Variants in TRAPPC9 observed in about 807,000 individuals in gnomAD.
TRAPPC9 encodes trafficking protein particle complex subunit 9, also known as IKK2 binding protein.
TRAPPC9 carries 83 observed loss-of-function variants against 124.0 expected under a neutral mutation model. The observed-to-expected ratio is 0.67, with a 90% confidence interval of 0.56 to 0.80. TRAPPC9 has a LOEUF of 0.80. Ranked by LOEUF, TRAPPC9 falls within the 30% of genes least tolerant of loss-of-function variation. The probability of loss-of-function intolerance (pLI) is 0.00; values close to 1 mark genes in which losing one functional copy is unlikely to be tolerated. For missense variants in TRAPPC9, 1,302 were observed against 1,508.3 expected, an observed-to-expected ratio of 0.86 and a Z score of 2.27; for synonymous variants, 638 against 617.5, an observed-to-expected ratio of 1.03 and a Z score of -0.49.
chr8:139,937,792 C>T (rs1048370808), intron 19 of TRAPPC9, among the ~76,000 whole-genome samples: 5 of 152,188 alleles, frequency 3.3e-5, no homozygotes, highest in Non-Finnish European at 7.3e-5. Context: ...GGTTTCTAAT[C>T]GCGTTAAACA....
In TRAPPC9 at chr8:140,252,724, C is replaced by T. The variant is rs11986788; in HGVS notation, c.2431+53G>A. On this transcript the variant is annotated intron_variant, in intron 16 of 22. Transcript: ENST00000438773. The surrounding 1 kb of genome is among the most constrained non-coding windows in gnomAD (Gnocchi z 4.2). The stretch of plus-strand genomic sequence containing the variant: ...AGCAGGCATCAAGGGATGGGGGTTG[C>T]TACACAGTATCTAGGACCCTGACGT... 1.2e-6 allele frequency: 2 copies of T among 1,601,944 alleles called. No individual in the cohort carries two copies. Among genetic ancestry groups the T allele is most frequent in the Non-Finnish European group, 1.7e-6 (2 of 1,175,814 alleles).
At chr8:140,375,671 G>A (rs1278319312) in intron 7 of TRAPPC9, among the ~76,000 whole-genome samples, 2 of 152,230 alleles carry the variant, frequency 1.3e-5, no homozygotes, top group East Asian at 1.9e-4. Context: ...AAAACTCTCA[G>A]TGAGTGTTCA....
At chr8:140,393,792 A>G (rs1026187256) in intron 7 of TRAPPC9, among the ~76,000 whole-genome samples, 2 of 152,234 alleles carry the variant, frequency 1.3e-5, no homozygotes, top group African/African-American at 4.8e-5. Flanking sequence ...GTTCTATTTC[A>G]GAAAAACTAC....
rs1475642900 is a variant in TRAPPC9, at chr8:139,742,746, G to A, written c.3056-10544C>T. Reference sequence around the variant, plus strand: ...GGTTGCTTTCAACTCTGATCTGCAGGCTGGGTGGGGGTAGGCAGCTGGCAG... The same window carrying A: ...GGTTGCTTTCAACTCTGATCTGCAGACTGGGTGGGGGTAGGCAGCTGGCAG... On this transcript the variant is annotated intron_variant, in intron 21 of 22. Transcript: ENST00000438773. The surrounding 1 kb of genome is among the most constrained non-coding windows in gnomAD (Gnocchi z 4.7). 6.6e-6 allele frequency among the ~76,000 whole-genome samples: 1 copy of A among 152,206 alleles called. No homozygotes were observed. Among genetic ancestry groups the A allele is most frequent in the Non-Finnish European group, 1.5e-5 (1 of 68,032 alleles).
chr8:140,055,596 A>G (rs1227142739), intron 17 of TRAPPC9, among the ~76,000 whole-genome samples: 1 of 152,262 alleles, frequency 6.6e-6, no homozygotes, highest in Non-Finnish European at 1.5e-5. Flanking sequence ...TGCAGATGAC[A>G]TGATCTTATA....
intron 4 of TRAPPC9, among the ~76,000 whole-genome samples, chr8:140,431,028 A>C (rs1462531485): frequency 2.0e-5 from 3 of 152,190 alleles, no homozygotes; most frequent in Non-Finnish European, 2.9e-5. Flanking sequence ...TGAAGAAAAC[A>C]GGGGTGTTTT....
At chr8:139,948,196 C>T (rs896344334) in intron 19 of TRAPPC9, among the ~76,000 whole-genome samples, 7 of 150,126 alleles carry the variant, frequency 4.7e-5, no homozygotes, top group African/African-American at 7.4e-5. Context: ...GAAATAGAAG[C>T]GAACAAAACG....
intron 19 of TRAPPC9, among the ~76,000 whole-genome samples, chr8:139,934,417 A>G (rs1448910858): frequency 6.6e-6 from 1 of 152,214 alleles, no homozygotes; most frequent in African/African-American, 2.4e-5. Flanking sequence ...ACCACCATCA[A>G]TGACAATTTG....
chr8:140,429,280 C>T (rs1045514590), intron 4 of TRAPPC9, among the ~76,000 whole-genome samples: 2 of 151,962 alleles, frequency 1.3e-5, no homozygotes, highest in Admixed American at 6.6e-5. Context: ...TCAGTAGACA[C>T]GGGGTTTTAC....
intron 21 of TRAPPC9, among the ~76,000 whole-genome samples, chr8:139,870,400 G>A (rs1480410052): frequency 6.6e-6 from 1 of 152,230 alleles, no homozygotes; most frequent in Non-Finnish European, 1.5e-5. Flanking sequence ...TATTTTTTAA[G>A]AGATTGCTCC....
rs372625684 is a variant in TRAPPC9, at chr8:140,401,349, TAA to T, written c.1009-3606_1009-3605del. 1.2e-3 allele frequency among the ~76,000 whole-genome samples: 181 copies of T among 152,340 alleles called. 2 individuals are homozygous for T. Among genetic ancestry groups the T allele is most frequent in the African/African-American group, 4.3e-3 (177 of 41,580 alleles). On this transcript the variant is annotated intron_variant, in intron 6 of 22. Transcript: ENST00000438773. ...TACATGTAATCTGTTATATTAAATA[TAA>T]GTTATCACAGACGATCAGAAAAAGG...
chr8:140,135,654 T>C (rs966643976), intron 17 of TRAPPC9, among the ~76,000 whole-genome samples: 1 of 152,240 alleles, frequency 6.6e-6, no homozygotes, highest in South Asian at 2.1e-4. Flanking sequence ...GAGGAATTAT[T>C]GCTTCGTGGA....
chr8:140,223,217 G>T (rs763798949), intron 16 of TRAPPC9, among the ~76,000 whole-genome samples: 20 of 152,026 alleles, frequency 1.3e-4, no homozygotes, highest in Non-Finnish European at 2.9e-4. Context: ...TCCCCTCCCT[G>T]TGTCCATGTG....
rs1387427198 is a variant in TRAPPC9 at position 139,776,122 on chromosome 8, G to T, written c.3056-43920C>A. Among the ~76,000 whole-genome samples, 1 of 152,178 alleles carries T rather than the reference G, an allele frequency of 6.6e-6. No homozygotes were observed. The highest frequency in any genetic ancestry group is 1.5e-5 in the Non-Finnish European group (1 of 68,032). The stretch of plus-strand genomic sequence containing the variant: ...TCCTTCCTGAGGACAAGAGGACGAG[G>T]CTGGACTCTGCCAGGACCACGTGCT... On this transcript the variant is annotated intron_variant, in intron 21 of 22. Transcript: ENST00000438773. This position sits in a 1 kb window ranked among gnomAD's most constrained non-coding sequence, Gnocchi z 4.1.
At chr8:140,258,555 T>C (rs2064324929) in intron 15 of TRAPPC9, among the ~76,000 whole-genome samples, 1 of 151,902 alleles carries the variant, frequency 6.6e-6, no homozygotes, top group Non-Finnish European at 1.5e-5. Context: ...TCTCTAGGGG[T>C]TTTGCCAGCA....
rs1451388111 is a variant in TRAPPC9 at position 140,061,364 on chromosome 8, A to G, written c.2557-37285T>C. On this transcript the variant is annotated intron_variant, in intron 17 of 22. Transcript: ENST00000438773. ...TTTAATTTTGATTCTTCTAATCAAG[A>G]GCATTTCGTGAATACCTAATATGTG... Among the ~76,000 whole-genome samples, 3 of 152,274 alleles carry G rather than the reference A, an allele frequency of 2.0e-5. No homozygotes were observed. In the East Asian group the frequency reaches 5.8e-4, roughly 29 times the overall value.
chr8:139,745,873 G>C (rs983065094), intron 21 of TRAPPC9, among the ~76,000 whole-genome samples: 1 of 152,260 alleles, frequency 6.6e-6, no homozygotes, highest in Non-Finnish European at 1.5e-5. Flanking sequence ...TCGGTGGGCA[G>C]CAGCCCGCCT....
At chr8:139,731,366 C>G (rs575676500) in intron 22 of TRAPPC9, 138 bp from the exon 23 acceptor site, 1 of 951,872 alleles carries the variant, frequency 1.1e-6, no homozygotes, top group East Asian at 2.6e-5. Context: ...CCAGTGCCCC[C>G]TCCAGCAGGT....
chr8:140,103,432 G>A (rs1208953851), intron 17 of TRAPPC9, among the ~76,000 whole-genome samples: 1 of 152,148 alleles, frequency 6.6e-6, no homozygotes, highest in East Asian at 1.9e-4. Context: ...GGGGAGCTTT[G>A]GCAATATCTG....
Sources: allele counts gnomAD v4.1 joint callset (sites outside exome capture counted in the v4.1 genomes callset), GRCh38; gene constraint gnomAD v4.1.1; non-coding constraint Gnocchi (gnomAD v3.1); transcripts MANE v1.5; gene names NCBI Gene and HGNC (gene_info 2026-07-23, HGNC 2026-07-21).